The following AMD1 variants were observed in gnomAD, a reference collection of about 807,000 sequenced individuals.
AMD1 encodes adenosylmethionine decarboxylase 1.
Under a neutral mutation model 40.2 loss-of-function variants are expected in AMD1, and 11 were observed. The observed-to-expected ratio is 0.27, with a 90% CI of 0.17 to 0.45. The LOEUF (loss-of-function observed/expected upper bound fraction) is 0.45. Among genes scored for constraint, AMD1 ranks in the 20% least tolerant of loss-of-function variants. The pLI is 1.00. For synonymous variants in AMD1, 121 were observed against 130.8 expected, an observed-to-expected ratio of 0.93 and a Z score of 0.51; for missense variants, 257 against 410.2, an observed-to-expected ratio of 0.63 and a Z score of 3.23.
chr6:110,884,275 A>G lies in AMD1; in HGVS notation c.111-3230A>G, dbSNP rs146015887. On this transcript the variant is annotated intron_variant, in intron 1 of 8. Coordinates refer to ENST00000368885, the MANE Select transcript of AMD1 (RefSeq NM_001634.6). Reference sequence around the variant, plus strand: ...TGAAAGTTTTTAAAAATCAAGACCTAGAATGATGTAACATGTCAAAATATC... The same window carrying G: ...TGAAAGTTTTTAAAAATCAAGACCTGGAATGATGTAACATGTCAAAATATC... 2.5e-3 allele frequency among the ~76,000 whole-genome samples: 375 copies of G among 152,392 alleles called. 7 individuals are homozygous for G. The highest frequency in any genetic ancestry group is 0.023 in the South Asian group (110 of 4,826).
chr6:110,815,349 C>A, the AMD1 span: 1 of 420,360 alleles, frequency 2.4e-6, no homozygotes, highest in Non-Finnish European at 4.0e-6. Context: ...CCTCCTCCTC[C>A]TCCGCGACGG....
the AMD1 span, among the ~76,000 whole-genome samples, chr6:110,862,021 T>TG: frequency 9.0e-6 from 1 of 110,964 alleles, no homozygotes; most frequent in East Asian, 2.5e-4. Flanking sequence ...TTTAAAATCT[T>TG]TTTTTTTTTT....
the AMD1 span, among the ~76,000 whole-genome samples, chr6:110,844,279 G>A: frequency 2.2e-5 from 3 of 133,830 alleles, no homozygotes; most frequent in African/African-American, 8.1e-5. Context: ...TTTTTTTTTT[G>A]ACTGAGTAGC....
the AMD1 span, among the ~76,000 whole-genome samples, chr6:110,816,781 G>T: frequency 6.6e-6 from 1 of 152,068 alleles, no homozygotes; most frequent in Non-Finnish European, 1.5e-5. Flanking sequence ...GAAGAGACTG[G>T]CCTTGCTGTG....
At chr6:110,860,220 C>T in the AMD1 span, among the ~76,000 whole-genome samples, 3 of 152,212 alleles carry the variant, frequency 2.0e-5, no homozygotes, top group East Asian at 3.9e-4. Context: ...CACGCCCCAC[C>T]GAGTACTGCA....
the AMD1 span, among the ~76,000 whole-genome samples, chr6:110,844,992 A>AG: frequency 1.3e-4 from 19 of 148,948 alleles, no homozygotes; most frequent in African/African-American, 2.5e-4. Context: ...AGAGAGAGAG[A>AG]AAGCAAGCGC....
At chr6:110,860,017 G>A in the AMD1 span, among the ~76,000 whole-genome samples, 1 of 152,108 alleles carries the variant, frequency 6.6e-6, no homozygotes, top group Non-Finnish European at 1.5e-5. Context: ...ATTAGAGATG[G>A]GGTTTCACCA....
intron 8 of AMD1, 147 bp from the exon 9 acceptor site, chr6:110,893,329 C>T: frequency 8.9e-7 from 1 of 1,121,420 alleles, no homozygotes; most frequent in Non-Finnish European, 1.3e-6. Context: ...CCATAAGATG[C>T]CCTGGCCCCT....
At chr6:110,873,611 G>A (rs1784960616), upstream of AMD1, among the ~76,000 whole-genome samples, 2 of 152,172 alleles carry the variant, frequency 1.3e-5, no homozygotes, top group Admixed American at 1.3e-4. Context: ...TGTGACAATA[G>A]CAATTTTTAT....
chr6:110,868,327 T>A, the AMD1 span, among the ~76,000 whole-genome samples: 2 of 151,998 alleles, frequency 1.3e-5, no homozygotes, highest in African/African-American at 4.8e-5. Context: ...TTTTTGTATT[T>A]TTATTAGAGA....
At chr6:110,838,380 C>G in the AMD1 span, among the ~76,000 whole-genome samples, 1 of 151,578 alleles carries the variant, frequency 6.6e-6, no homozygotes, top group East Asian at 1.9e-4. Context: ...GAGTGAGACT[C>G]CATCTCAAAA....
the AMD1 span, among the ~76,000 whole-genome samples, chr6:110,859,912 T>A: frequency 1.3e-5 from 2 of 152,154 alleles, no homozygotes; most frequent in African/African-American, 4.8e-5. Flanking sequence ...TCACTGCACC[T>A]CCACCTCCCT....
intron 1 of AMD1, among the ~76,000 whole-genome samples, chr6:110,882,171 G>C (rs1019054580): frequency 6.6e-6 from 1 of 152,080 alleles, no homozygotes; most frequent in Non-Finnish European, 1.5e-5. Flanking sequence ...TCACTCTGTC[G>C]CCCAGGCTGG....
intron 1 of AMD1, among the ~76,000 whole-genome samples, chr6:110,876,284 A>C (rs1785108117): frequency 6.6e-6 from 1 of 152,214 alleles, no homozygotes; most frequent in Admixed American, 6.5e-5. Flanking sequence ...AGGCCCTGCC[A>C]CCGGATCCCT....
the AMD1 span, among the ~76,000 whole-genome samples, chr6:110,854,726 G>A: frequency 5.9e-5 from 9 of 152,236 alleles, no homozygotes; most frequent in Non-Finnish European, 8.8e-5. Context: ...AGGATTACAG[G>A]AGTGAGCCAC....
At chr6:110,879,968 CTT>C (rs113295813) in intron 1 of AMD1, among the ~76,000 whole-genome samples, 5 of 145,058 alleles carry the variant, frequency 3.4e-5, no homozygotes, top group South Asian at 2.2e-4. Flanking sequence ...AGTTCTTGGT[CTT>C]TTTTTTTTTT....
the AMD1 span, among the ~76,000 whole-genome samples, chr6:110,833,506 G>A: frequency 6.6e-6 from 1 of 152,168 alleles, no homozygotes; most frequent in Admixed American, 6.5e-5. Flanking sequence ...GAATTGCAAT[G>A]TGCCTATTAA....
chr6:110,858,205 G>A, the AMD1 span: 7 of 732,582 alleles, frequency 9.6e-6, no homozygotes, highest in East Asian at 2.0e-4. Flanking sequence ...CGTCTGTTTC[G>A]TCCCATCCCA....
At chr6:110,815,337 T>TTCC in the AMD1 span, 24 of 373,676 alleles carry the variant, frequency 6.4e-5, no homozygotes, top group African/African-American at 1.5e-4. Context: ...CCTCCACCTC[T>TTCC]TCCTCCTCCT....
Sources: gnomAD v4.1 joint callset for allele counts (sites outside exome capture counted in the v4.1 genomes callset) on GRCh38, gnomAD v4.1.1 for gene constraint, MANE v1.5 for transcripts, NCBI Gene and HGNC (gene_info 2026-07-23, HGNC 2026-07-21) for gene names.